The following LRRIQ3 variants were observed in gnomAD, a reference collection of about 807,000 sequenced individuals.
LRRIQ3 encodes leucine-rich repeat and IQ domain-containing protein 3.
A neutral mutation model predicts 59.3 loss-of-function variants in LRRIQ3; 75 were observed. The ratio of observed to expected loss-of-function variants is 1.26; its 90% CI spans 1.05 to 1.53. LRRIQ3 has a LOEUF of 1.53. LRRIQ3 is among the 40% of genes most tolerant of loss of function. The pLI, the probability that LRRIQ3 is intolerant of heterozygous loss-of-function variation, is 0.00. For missense variants in LRRIQ3, 831 were observed against 710.0 expected (o/e 1.17, Z -1.94); for synonymous variants, 250 against 231.3 (o/e 1.08, Z -0.73).
At chr1:74,129,168 G>C (rs754474886) in intron 4 of LRRIQ3, among the ~76,000 whole-genome samples, 3 of 152,070 alleles carry the variant, frequency 2.0e-5, no homozygotes, top group Non-Finnish European at 4.4e-5. Context: ...GGTGAAGCCA[G>C]CCAGGCTTGT....
intron 3 of LRRIQ3, among the ~76,000 whole-genome samples, chr1:74,160,656 G>A (rs1648607948): frequency 6.6e-6 from 1 of 151,992 alleles, no homozygotes; most frequent in African/African-American, 2.4e-5. Flanking sequence ...TCAAAGGTCA[G>A]TTTCTCATAT....
rs532194467 is a variant in LRRIQ3, at chr1:74,161,685, A to G, written c.574-5819T>C. ...ACATTAAGCTCATATTGCAGTTTAC[A>G]TCAGAGTCCTGCTTCTCACTGAGTC... On this transcript the variant is annotated intron_variant, in intron 3 of 7. Coordinates refer to ENST00000354431, the MANE Select transcript of LRRIQ3 (RefSeq NM_001105659.2). 4.6e-5 allele frequency among the ~76,000 whole-genome samples: 7 copies of G among 152,060 alleles called. No individual in the cohort carries two copies. The South Asian group carries it at 1.0e-3, about 22-fold the overall frequency.
At chr1:74,090,332 T>TC (rs1646381106) in intron 5 of LRRIQ3, among the ~76,000 whole-genome samples, 1 of 151,570 alleles carries the variant, frequency 6.6e-6, no homozygotes, top group South Asian at 2.1e-4. Flanking sequence ...AATAGTTTTT[T>TC]TTTTAAAACT....
intron 6 of LRRIQ3, among the ~76,000 whole-genome samples, chr1:74,060,195 T>A (rs1309314750): frequency 2.3e-5 from 1 of 43,966 alleles, no homozygotes; most frequent in South Asian, 1.3e-3. Flanking sequence ...CTTTTTCTTC[T>A]TCTTCTTCTT....
intron 5 of LRRIQ3, among the ~76,000 whole-genome samples, chr1:74,099,996 CA>C (rs1453885127): frequency 6.6e-6 from 1 of 152,092 alleles, no homozygotes. Context: ...AAAACTGGCA[CA>C]AGACAGGGAT....
chr1:74,164,983 A>G (rs559793509), intron 3 of LRRIQ3, among the ~76,000 whole-genome samples: 1 of 151,438 alleles, frequency 6.6e-6, no homozygotes, highest in East Asian at 1.9e-4. Context: ...TATTGCATGA[A>G]CCTATTTTTA....
chr1:74,055,072 G>A (rs1654485295), intron 6 of LRRIQ3, among the ~76,000 whole-genome samples: 1 of 147,576 alleles, frequency 6.8e-6, no homozygotes, highest in Non-Finnish European at 1.5e-5. Flanking sequence ...GTGTAATCCA[G>A]TGGGTCTTTG....
chr1:74,166,181 T>A (rs563055904), intron 3 of LRRIQ3, among the ~76,000 whole-genome samples: 1 of 151,770 alleles, frequency 6.6e-6, no homozygotes, highest in East Asian at 1.9e-4. Context: ...AGCAATCTAG[T>A]CTTGTATGTT....
intron 4 of LRRIQ3, among the ~76,000 whole-genome samples, chr1:74,115,319 T>C (rs535391834): frequency 7.2e-5 from 11 of 152,252 alleles, no homozygotes; most frequent in Non-Finnish European, 1.2e-4. Context: ...GGACAAAACA[T>C]TTAAATTTAA....
At position 74,026,822 on chromosome 1, in the gene LRRIQ3, C is replaced by A. The variant is rs1557582508; in HGVS notation, c.1866G>T (p.Leu622=). ...TNLDFKVPNG[L]IK The stretch of plus-strand genomic sequence containing the variant: ...GTGATCTGGCATTGATTCATTTTAT[C>A]AGTCCATTGGGAACTTTAAAGTCTA... The change falls in exon 8 of 8, where the codon CTG becomes CTT. Residue 622 remains leucine, a synonymous_variant. Transcript: ENST00000354431. 2 of 1,600,150 alleles carry A rather than the reference C, an allele frequency of 1.2e-6. No homozygotes were observed. The highest frequency in any genetic ancestry group is 8.5e-7 in the Non-Finnish European group (1 of 1,175,278).
chr1:74,100,436 T>C (rs1478979144), intron 5 of LRRIQ3, among the ~76,000 whole-genome samples: 2 of 152,188 alleles, frequency 1.3e-5, no homozygotes, highest in Non-Finnish European at 2.9e-5. Flanking sequence ...GAACGTTCCA[T>C]GCTCATGGAT....
chr1:74,144,140 C>T (rs2100643211), intron 4 of LRRIQ3, among the ~76,000 whole-genome samples: 1 of 151,920 alleles, frequency 6.6e-6, no homozygotes, highest in Admixed American at 6.6e-5. Flanking sequence ...TTTCTCTTTT[C>T]TCCTTAACAA....
intron 3 of LRRIQ3, chr1:74,180,790 C>T: frequency 6.5e-7 from 1 of 1,549,502 alleles, no homozygotes; most frequent in South Asian, 1.2e-5. Context: ...ATAAGACTAA[C>T]ATTTTTCCAC....
chr1:74,050,853 A>T (rs1032803565), intron 6 of LRRIQ3, among the ~76,000 whole-genome samples: 1 of 152,174 alleles, frequency 6.6e-6, no homozygotes, highest in African/African-American at 2.4e-5. Flanking sequence ...ACTTATAGCA[A>T]TGGTTGCAAT....
chr1:74,075,336 G>A (rs1180405140), intron 5 of LRRIQ3, among the ~76,000 whole-genome samples: 5 of 152,112 alleles, frequency 3.3e-5, no homozygotes, highest in African/African-American at 9.7e-5. Flanking sequence ...GGAGGCCGAG[G>A]CAGGTGGATC....
At chr1:74,125,978 G>A (rs888522970) in intron 4 of LRRIQ3, among the ~76,000 whole-genome samples, 1 of 151,774 alleles carries the variant, frequency 6.6e-6, no homozygotes, top group African/African-American at 2.4e-5. Flanking sequence ...AAGCCATCAG[G>A]TCCTGATGTT....
chr1:74,029,075 A>C (rs902872233), intron 7 of LRRIQ3, among the ~76,000 whole-genome samples: 1 of 152,124 alleles, frequency 6.6e-6, no homozygotes, highest in African/African-American at 2.4e-5. Context: ...GTATCCTGAG[A>C]CTTTGCTGAA....
At chr1:74,114,843 TAAAAG>T (rs1168802871) in intron 4 of LRRIQ3, among the ~76,000 whole-genome samples, 2 of 151,670 alleles carry the variant, frequency 1.3e-5, no homozygotes, top group African/African-American at 2.4e-5. Flanking sequence ...ATAAAAGCTG[TAAAAG>T]AAGAGAGGAA....
At chr1:74,139,142 ATG>A (rs1557635704) in intron 4 of LRRIQ3, among the ~76,000 whole-genome samples, 17 of 140,110 alleles carry the variant, frequency 1.2e-4, no homozygotes, top group African/African-American at 4.7e-4. Context: ...ATATATATAC[ATG>A]TGTGTGTGTA....
Sources: allele counts gnomAD v4.1 joint callset (sites outside exome capture counted in the v4.1 genomes callset), GRCh38; gene constraint gnomAD v4.1.1; transcripts MANE v1.5; gene names NCBI Gene and HGNC (gene_info 2026-07-23, HGNC 2026-07-21).